PLEKHG1: variants seen among roughly 807,000 people sequenced by gnomAD.
The protein encoded by PLEKHG1 is pleckstrin homology and RhoGEF domain containing G1.
PLEKHG1 carries 44 observed loss-of-function variants against 100.8 expected under a neutral mutation model. The observed-to-expected ratio is 0.44, with a 90% confidence interval of 0.34 to 0.56. The LOEUF is 0.56. Among genes scored for constraint, PLEKHG1 ranks in the 20% least tolerant of loss-of-function variants. The pLI is 0.01. For missense variants in PLEKHG1, 1,545 were observed against 1,720.9 expected (o/e 0.90, Z 1.81); for synonymous variants, 640 against 662.5 (o/e 0.97, Z 0.52).
At chr6:150,756,543 T>C (rs1417409959) in intron 2 of PLEKHG1, among the ~76,000 whole-genome samples, 1 of 152,178 alleles carries the variant, frequency 6.6e-6, no homozygotes, top group East Asian at 1.9e-4. Flanking sequence ...GGTCGGTCCT[T>C]GTGTAGATTC....
chr6:150,736,383 C>T (rs928542216), intron 2 of PLEKHG1, among the ~76,000 whole-genome samples: 18 of 152,334 alleles, frequency 1.2e-4, no homozygotes, highest in African/African-American at 4.1e-4. Context: ...TAAATGGAAA[C>T]TACACTTGTC....
exon 16 of PLEKHG1, chr6:150,841,939 C>T (rs1777546537): frequency 6.6e-6 from 1 of 152,190 alleles, no homozygotes. Flanking sequence ...GGGCAAGAAT[C>T]TATTTCCTAA....
intron 3 of PLEKHG1, among the ~76,000 whole-genome samples, chr6:150,776,211 T>G (rs945984701): frequency 6.6e-6 from 1 of 152,246 alleles, no homozygotes; most frequent in Admixed American, 6.5e-5. Context: ...TATAATTGTT[T>G]TAACCGTCCT....
chr6:150,631,024 A>C (rs529156058), intron 1 of PLEKHG1, among the ~76,000 whole-genome samples: 6 of 152,124 alleles, frequency 3.9e-5, no homozygotes, highest in Non-Finnish European at 7.4e-5. Flanking sequence ...GAGGGGGCCA[A>C]AGTCTGATGA....
chr6:150,803,413 T>C (rs1459030121), intron 6 of PLEKHG1, among the ~76,000 whole-genome samples: 3 of 152,226 alleles, frequency 2.0e-5, no homozygotes, highest in Non-Finnish European at 4.4e-5. Context: ...TAAGCACTTA[T>C]TCACCACCCA....
At chr6:150,826,192 T>C (rs985370195) in intron 14 of PLEKHG1, among the ~76,000 whole-genome samples, 1 of 151,772 alleles carries the variant, frequency 6.6e-6, no homozygotes, top group African/African-American at 2.4e-5. Flanking sequence ...GCGCGGTGGC[T>C]CACACCTGTA....
At chr6:150,779,779 A>G (rs1785205864) in intron 3 of PLEKHG1, among the ~76,000 whole-genome samples, 1 of 151,708 alleles carries the variant, frequency 6.6e-6, no homozygotes, top group African/African-American at 2.4e-5. Flanking sequence ...ATCCTGGCTA[A>G]CACAGTGAAA....
chr6:150,828,924 G>T (rs1222002439), intron 14 of PLEKHG1, among the ~76,000 whole-genome samples: 2 of 152,050 alleles, frequency 1.3e-5, no homozygotes, highest in Non-Finnish European at 2.9e-5. Flanking sequence ...CAAATATTAG[G>T]TATAAATATT....
At chr6:150,837,205 T>C (rs560519364) in intron 15 of PLEKHG1, among the ~76,000 whole-genome samples, 1 of 152,150 alleles carries the variant, frequency 6.6e-6, no homozygotes, top group Non-Finnish European at 1.5e-5. Flanking sequence ...ATAAAATAAT[T>C]AGCAACACAG....
intron 3 of PLEKHG1, among the ~76,000 whole-genome samples, chr6:150,774,644 G>A (rs551277354): frequency 1.0e-4 from 15 of 144,856 alleles, no homozygotes; most frequent in Non-Finnish European, 1.5e-4. Flanking sequence ...CGGGTTAAGC[G>A]ATTCTCCTGC....
chr6:150,697,949 T>G (rs1780614165), intron 3 of PLEKHG1, among the ~76,000 whole-genome samples: 1 of 4,972 alleles, frequency 2.0e-4, no homozygotes, highest in Non-Finnish European at 6.0e-4. Context: ...GTTGTTGGGT[T>G]TTTTTTTGTT....
intron 2 of PLEKHG1, 45 bp from the exon 4 acceptor site, chr6:150,768,593 G>A: frequency 5.0e-6 from 5 of 1,004,088 alleles, no homozygotes; most frequent in Non-Finnish European, 7.9e-6. Context: ...AGATGACTTG[G>A]AAAGGACAGG....
chr6:150,720,865 G>A (rs1303151990), upstream of PLEKHG1, among the ~76,000 whole-genome samples: 1 of 152,238 alleles, frequency 6.6e-6, no homozygotes, highest in Non-Finnish European at 1.5e-5. Context: ...AAGAATGGAA[G>A]TGGTAGGGTG....
chr6:150,685,850 G>A (rs1237601937), intron 3 of PLEKHG1, among the ~76,000 whole-genome samples: 2 of 152,040 alleles, frequency 1.3e-5, no homozygotes, highest in African/African-American at 4.8e-5. Flanking sequence ...GGGAAGGGGG[G>A]AAAAAAGAGT....
At chr6:150,744,707 C>A (rs1206729892) in intron 2 of PLEKHG1, among the ~76,000 whole-genome samples, 2 of 152,140 alleles carry the variant, frequency 1.3e-5, no homozygotes, top group African/African-American at 2.4e-5. Context: ...TGGTGACATC[C>A]CTCAGTGTCA....
At chr6:150,783,979 A>C (rs1322525617) in intron 3 of PLEKHG1, among the ~76,000 whole-genome samples, 1 of 152,184 alleles carries the variant, frequency 6.6e-6, no homozygotes, top group Non-Finnish European at 1.5e-5. Flanking sequence ...TATCTGCTTC[A>C]ACTTTCCATC....
intron 3 of PLEKHG1, among the ~76,000 whole-genome samples, chr6:150,676,762 C>A (rs191571508): frequency 6.6e-6 from 1 of 152,162 alleles, no homozygotes; most frequent in Admixed American, 6.6e-5. Context: ...TAGTGACAGC[C>A]TACATATCTA....
chr6:150,736,482 G>C (rs1184013280), intron 2 of PLEKHG1, among the ~76,000 whole-genome samples: 1 of 152,128 alleles, frequency 6.6e-6, no homozygotes, highest in African/African-American at 2.4e-5. Context: ...AAAATAATCA[G>C]ATTAGGCTGA....
chr6:150,712,308 G>T (rs1358493426), intron 3 of PLEKHG1, among the ~76,000 whole-genome samples: 1 of 152,184 alleles, frequency 6.6e-6, no homozygotes, highest in African/African-American at 2.4e-5. Context: ...AAGGCAGCCA[G>T]GCAGGGAGCG....
Sources: allele counts gnomAD v4.1 joint callset (sites outside exome capture counted in the v4.1 genomes callset), GRCh38; gene constraint gnomAD v4.1.1; transcripts MANE v1.5; gene names NCBI Gene and HGNC (gene_info 2026-07-23, HGNC 2026-07-21).